Variants in GRID2 observed in about 807,000 individuals in gnomAD.
GRID2 encodes the protein glutamate ionotropic receptor delta type subunit 2, also known as glutamate receptor ionotropic, delta-2.
A neutral mutation model predicts 114.8 loss-of-function variants in GRID2; 33 were observed. The ratio of observed to expected loss-of-function variants is 0.29; its 90% CI spans 0.22 to 0.38. The LOEUF (loss-of-function observed/expected upper bound fraction) is 0.38, where lower values mean the gene tolerates loss of function less well. Among genes scored for constraint, GRID2 ranks in the 10% least tolerant of loss-of-function variants. GRID2 has a pLI of 1.00. For missense variants in GRID2, 1,184 were observed against 1,257.7 expected, an observed-to-expected ratio of 0.94 and a Z score of 0.89; for synonymous variants, 505 against 449.9, an observed-to-expected ratio of 1.12 and a Z score of -1.55.
chr4:93,393,893 G>A (rs1765086194), intron 8 of GRID2, among the ~76,000 whole-genome samples: 1 of 151,934 alleles, frequency 6.6e-6, no homozygotes, highest in African/African-American at 2.4e-5. Context: ...GTGTGCTTTG[G>A]CAGCTTAGAC....
chr4:93,688,625 A>G (rs1726279893), intron 14 of GRID2, among the ~76,000 whole-genome samples: 2 of 152,082 alleles, frequency 1.3e-5, no homozygotes. Flanking sequence ...GAAAGACATT[A>G]TATTTCTTCC....
chr4:92,445,107 G>A (rs1235967569), intron 1 of GRID2, among the ~76,000 whole-genome samples: 2 of 152,090 alleles, frequency 1.3e-5, no homozygotes, highest in African/African-American at 4.8e-5. Flanking sequence ...CTTATTATGT[G>A]CTAGATACTC....
At chr4:93,465,925 T>C (rs1383647459) in intron 11 of GRID2, among the ~76,000 whole-genome samples, 2 of 152,192 alleles carry the variant, frequency 1.3e-5, no homozygotes, top group Non-Finnish European at 2.9e-5. Flanking sequence ...GTTTTTATAA[T>C]AGACTATAGC....
intron 8 of GRID2, among the ~76,000 whole-genome samples, chr4:93,328,225 C>T (rs1051256316): frequency 6.6e-6 from 1 of 152,094 alleles, no homozygotes; most frequent in African/African-American, 2.4e-5. Flanking sequence ...CCTCCAATGT[C>T]TTTCCACCTT....
chr4:93,482,540 G>A (rs1725977336), intron 11 of GRID2, among the ~76,000 whole-genome samples: 1 of 151,958 alleles, frequency 6.6e-6, no homozygotes, highest in South Asian at 2.1e-4. Context: ...GTCGAGGGTT[G>A]TGGGGCAAGG....
intron 2 of GRID2, among the ~76,000 whole-genome samples, chr4:92,908,606 G>A (rs1486760460): frequency 7.2e-6 from 1 of 138,920 alleles, no homozygotes. Context: ...CAAAAAATAT[G>A]AAAAAAAAGT....
At chr4:92,703,618 TA>T (rs1734790859) in intron 2 of GRID2, among the ~76,000 whole-genome samples, 5 of 3,916 alleles carry the variant, frequency 1.3e-3, no homozygotes, top group Middle Eastern at 0.05. Context: ...GGAAAAACAT[TA>T]TATATATATA....
At chr4:93,329,654 C>G (rs1758223333) in intron 8 of GRID2, among the ~76,000 whole-genome samples, 1 of 152,108 alleles carries the variant, frequency 6.6e-6, no homozygotes, top group Non-Finnish European at 1.5e-5. Context: ...TTGTCTGCAA[C>G]AGTCACAGTA....
chr4:93,668,582 A>C (rs1158001745), intron 14 of GRID2, among the ~76,000 whole-genome samples: 1 of 152,090 alleles, frequency 6.6e-6, no homozygotes, highest in Admixed American at 6.6e-5. Context: ...GCCTTCAAAG[A>C]GTTGTCAGGT....
At chr4:92,641,084 T>C (rs997550148) in intron 2 of GRID2, among the ~76,000 whole-genome samples, 4 of 151,744 alleles carry the variant, frequency 2.6e-5, no homozygotes, top group African/African-American at 9.7e-5. Context: ...TTTTGTGCTC[T>C]TTTTTTCTGT....
At chr4:93,755,776 AT>A (rs1732693205) in intron 14 of GRID2, among the ~76,000 whole-genome samples, 1 of 152,234 alleles carries the variant, frequency 6.6e-6, no homozygotes, top group Non-Finnish European at 1.5e-5. Flanking sequence ...CTTGTGTTAA[AT>A]AATGACATAA....
intron 2 of GRID2, among the ~76,000 whole-genome samples, chr4:92,986,987 T>C (rs1005767596): frequency 2.0e-5 from 3 of 152,116 alleles, no homozygotes; most frequent in Non-Finnish European, 4.4e-5. Flanking sequence ...CAGGAGTTAA[T>C]AGAAAAATAA....
chr4:92,808,397 C>G (rs1490460949), intron 2 of GRID2, among the ~76,000 whole-genome samples: 2 of 151,924 alleles, frequency 1.3e-5, no homozygotes, highest in South Asian at 2.1e-4. Context: ...AAATTTAAAT[C>G]AGAATTTGTT....
At chr4:93,078,587 C>T (rs963211056) in intron 2 of GRID2, among the ~76,000 whole-genome samples, 2 of 149,412 alleles carry the variant, frequency 1.3e-5, no homozygotes, top group Admixed American at 6.7e-5. Flanking sequence ...TCTGAATTTC[C>T]TTAAATCGGG....
At chr4:93,039,106 G>C (rs912279502) in intron 2 of GRID2, among the ~76,000 whole-genome samples, 2 of 152,018 alleles carry the variant, frequency 1.3e-5, no homozygotes, top group Non-Finnish European at 2.9e-5. Flanking sequence ...AAGAAAATGT[G>C]GCACATATAC....
chr4:93,023,093 T>TTGTGTGTG (rs370431407), intron 2 of GRID2, among the ~76,000 whole-genome samples: 218 of 143,930 alleles, frequency 1.5e-3, no homozygotes, highest in African/African-American at 5.2e-3. Context: ...CAGAGAACAT[T>TTGTGTGTG]TGTGTGTGTG....
intron 2 of GRID2, among the ~76,000 whole-genome samples, chr4:92,654,530 G>A (rs113823068): frequency 6.6e-6 from 1 of 152,138 alleles, no homozygotes; most frequent in African/African-American, 2.4e-5. Flanking sequence ...GCCAATTTGA[G>A]TCAATAAGAG....
At chr4:92,343,370 T>G (rs1727608158) in intron 1 of GRID2, among the ~76,000 whole-genome samples, 2 of 151,956 alleles carry the variant, frequency 1.3e-5, no homozygotes, top group Admixed American at 1.3e-4. Flanking sequence ...AAATGTACAC[T>G]CTCTGTATTT....
intron 4 of GRID2, among the ~76,000 whole-genome samples, chr4:93,178,011 TTC>T (rs929413404): frequency 2.0e-5 from 3 of 152,060 alleles, no homozygotes; most frequent in Non-Finnish European, 4.4e-5. Context: ...TACCTTTAAT[TTC>T]TCTCTCTTTG....
Sources: allele counts gnomAD v4.1 joint callset (sites outside exome capture counted in the v4.1 genomes callset), GRCh38; gene constraint gnomAD v4.1.1; transcripts MANE v1.5; gene names NCBI Gene and HGNC (gene_info 2026-07-23, HGNC 2026-07-21).